Variants in ACCSL observed in about 807,000 individuals in gnomAD.
ACCSL encodes the protein 1-aminocyclopropane-1-carboxylate synthase homolog (inactive) like, also known as probable inactive 1-aminocyclopropane-1-carboxylate synthase-like protein 2.
In ACCSL, 55 loss-of-function variants were observed where a neutral mutation model predicts 61.7. The ratio of observed to expected loss-of-function variants is 0.89; its 90% CI spans 0.72 to 1.12. ACCSL has a LOEUF of 1.12. Ranked by LOEUF, ACCSL falls within the 50% of genes most tolerant of loss-of-function variation. The pLI, the probability that ACCSL is intolerant of heterozygous loss-of-function variation, is 0.00. For synonymous variants in ACCSL, 258 were observed against 264.3 expected, an observed-to-expected ratio of 0.98 and a Z score of 0.23; for missense variants, 632 against 698.0, an observed-to-expected ratio of 0.91 and a Z score of 1.07.
the ACCSL span, among the ~76,000 whole-genome samples, chr11:44,012,333 C>A: frequency 7.5e-3 from 1,142 of 151,704 alleles, 18 homozygotes; most frequent in African/African-American, 0.025. Flanking sequence ...TTTGCCCAGG[C>A]GGGAATGCAA....
Position 44,051,402 on chromosome 11 carries a change from A to C in ACCSL, c.703A>C (p.Asn235His). Residue 235 changes from asparagine to histidine, a missense_variant and splice_region_variant, in exon 4 of 14, where the codon AAT (asparagine) becomes CAT (histidine). Asn to His is a moderately conservative substitution (Grantham distance 68, BLOSUM62 1). Coordinates refer to ENST00000378832, the MANE Select transcript of ACCSL (RefSeq NM_001031854.2). ...GGCACCTACCCGACTTGACCCAGAA[A>C]ATGTGAGTCAGTTTCCCAGCCTTGC... The part of the protein sequence containing the change: ...CRAPTRLDPE[N>H]VVVLNGCCSV... 6.2e-7 allele frequency: 1 copy of C among 1,614,134 alleles called. No individual in the cohort carries two copies. Among genetic ancestry groups the C allele is most frequent in the Non-Finnish European group, 8.5e-7 (1 of 1,180,024 alleles).
At chr11:43,936,826 C>T in the ACCSL span, among the ~76,000 whole-genome samples, 2 of 151,836 alleles carry the variant, frequency 1.3e-5, no homozygotes, top group South Asian at 2.1e-4. Flanking sequence ...TGGTAAGCCC[C>T]GGGGATCTAG....
the ACCSL span, among the ~76,000 whole-genome samples, chr11:43,985,361 CA>C: frequency 6.6e-6 from 1 of 152,072 alleles, no homozygotes; most frequent in East Asian, 1.9e-4. Context: ...GAGAGGAGAC[CA>C]AAGAGAGAGA....
At chr11:43,966,473 A>G in the ACCSL span, among the ~76,000 whole-genome samples, 2 of 151,546 alleles carry the variant, frequency 1.3e-5, no homozygotes, top group Admixed American at 1.3e-4. Context: ...TGTATAGAGG[A>G]GCATTATAAA....
chr11:44,001,332 C>T, the ACCSL span, among the ~76,000 whole-genome samples: 7 of 151,746 alleles, frequency 4.6e-5, no homozygotes, highest in Admixed American at 1.3e-4. Flanking sequence ...GCAAGCTGCC[C>T]ATCTCTCGGG....
At chr11:44,039,802 A>G in the ACCSL span, among the ~76,000 whole-genome samples, 3 of 152,248 alleles carry the variant, frequency 2.0e-5, no homozygotes, top group Non-Finnish European at 4.4e-5. Flanking sequence ...TTCTGGGGCT[A>G]CAGGCTGCCT....
At chr11:43,924,350 G>T in the ACCSL span, among the ~76,000 whole-genome samples, 1 of 152,226 alleles carries the variant, frequency 6.6e-6, no homozygotes, top group African/African-American at 2.4e-5. Context: ...CCCTGGGGCC[G>T]GCAGCCTGGG....
the ACCSL span, among the ~76,000 whole-genome samples, chr11:43,968,940 A>G: frequency 6.6e-6 from 1 of 152,204 alleles, no homozygotes; most frequent in Non-Finnish European, 1.5e-5. Flanking sequence ...AACAGCCTCC[A>G]GGTCAAAGGC....
the ACCSL span, among the ~76,000 whole-genome samples, chr11:43,937,921 C>A: frequency 6.6e-6 from 1 of 152,302 alleles, no homozygotes; most frequent in Middle Eastern, 3.4e-3. Flanking sequence ...GATGGTGCTG[C>A]TATCTTTAAC....
chr11:43,992,937 C>G, the ACCSL span, among the ~76,000 whole-genome samples: 1 of 152,260 alleles, frequency 6.6e-6, no homozygotes, highest in Non-Finnish European at 1.5e-5. Flanking sequence ...GTGGCTGCAC[C>G]CTTATTCAGG....
chr11:44,041,015 T>C, the ACCSL span, among the ~76,000 whole-genome samples: 1 of 152,226 alleles, frequency 6.6e-6, no homozygotes, highest in Non-Finnish European at 1.5e-5. Context: ...CTAATGATGG[T>C]ACCCTCCTAA....
chr11:44,045,747 C>T (rs752826694), upstream of ACCSL, among the ~76,000 whole-genome samples: 10 of 152,162 alleles, frequency 6.6e-5, no homozygotes, highest in Non-Finnish European at 1.5e-4. Context: ...AGTCTAAGAG[C>T]CCCTAATTTA....
chr11:44,018,843 C>G, the ACCSL span, among the ~76,000 whole-genome samples: 10 of 152,256 alleles, frequency 6.6e-5, no homozygotes, highest in Admixed American at 3.3e-4. Context: ...AAAATTCACC[C>G]CTTAAAATAT....
chr11:43,927,548 G>A, the ACCSL span, among the ~76,000 whole-genome samples: 25,029 of 152,190 alleles, frequency 0.16, 2,356 homozygotes, highest in South Asian at 0.29. Context: ...ACAGTTAAAC[G>A]GAGGCACAGC....
the ACCSL span, among the ~76,000 whole-genome samples, chr11:43,956,934 TG>T: frequency 1.3e-5 from 2 of 151,932 alleles, no homozygotes; most frequent in African/African-American, 2.4e-5. Flanking sequence ...AGCAGTGAGG[TG>T]AATGGTTTCC....
chr11:43,964,915 A>C, the ACCSL span, among the ~76,000 whole-genome samples: 1 of 152,196 alleles, frequency 6.6e-6, no homozygotes, highest in Non-Finnish European at 1.5e-5. Context: ...AAAAACACTC[A>C]GGAAACTAGG....
the ACCSL span, among the ~76,000 whole-genome samples, chr11:43,981,609 C>T: frequency 6.6e-6 from 1 of 152,202 alleles, no homozygotes; most frequent in African/African-American, 2.4e-5. Context: ...GCTGGCAGTC[C>T]ATGGGTGTTG....
intron 2 of ACCSL, 66 bp from the exon 3 acceptor site, chr11:44,050,486 T>A (rs1255490658): frequency 3.5e-6 from 5 of 1,413,024 alleles, no homozygotes; most frequent in East Asian, 2.3e-5. Flanking sequence ...ATGTACAAAC[T>A]AGGAGTAGAA....
the ACCSL span, among the ~76,000 whole-genome samples, chr11:44,018,691 A>C: frequency 1.3e-5 from 2 of 152,172 alleles, no homozygotes; most frequent in Non-Finnish European, 2.9e-5. Flanking sequence ...CACATATAAA[A>C]TTCACCTTTT....
Sources: gnomAD v4.1 joint callset for allele counts (sites outside exome capture counted in the v4.1 genomes callset) on GRCh38, gnomAD v4.1.1 for gene constraint, MANE v1.5 for transcripts, NCBI Gene and HGNC (gene_info 2026-07-23, HGNC 2026-07-21) for gene names.